Variants in C2CD3 observed in about 807,000 individuals in gnomAD.
C2CD3 encodes the protein C2 domain containing 3 centriole elongation regulator.
C2CD3 carries 148 observed loss-of-function variants against 234.0 expected under a neutral mutation model. That is an observed-to-expected ratio of 0.63 (90% confidence interval 0.55 to 0.72). The LOEUF is 0.72. Ranked by LOEUF, C2CD3 falls within the 30% of genes least tolerant of loss-of-function variation. The probability of loss-of-function intolerance (pLI) is 0.00; values close to 1 mark genes in which losing one functional copy is unlikely to be tolerated. For missense variants in C2CD3, 2,577 were observed against 2,811.5 expected (o/e 0.92, Z 1.89); for synonymous variants, 1,000 against 1,035.4 (o/e 0.97, Z 0.66).
intron 2 of C2CD3, 110 bp downstream of exon 2, chr11:74,168,234 A>G (rs968427722): frequency 1.0e-5 from 9 of 861,202 alleles, no homozygotes; most frequent in Non-Finnish European, 1.7e-5. Context: ...TGACTCTTCA[A>G]TAATTAAGAA....
intron 27 of C2CD3, among the ~76,000 whole-genome samples, 191 bp from the exon 28 acceptor site, chr11:74,048,529 C>T (rs1478424476): frequency 6.6e-6 from 1 of 152,192 alleles, no homozygotes; most frequent in Non-Finnish European, 1.5e-5. Context: ...TATTATTATA[C>T]TCATTTTACA....
chr11:74,076,026 C>T (rs1270767025), intron 23 of C2CD3, among the ~76,000 whole-genome samples: 1 of 152,214 alleles, frequency 6.6e-6, no homozygotes, highest in East Asian at 1.9e-4. Flanking sequence ...GCTTGAGTTC[C>T]TATACTTAGA....
At chr11:74,143,231 A>G (rs1425346707) in intron 3 of C2CD3, among the ~76,000 whole-genome samples, 1 of 152,224 alleles carries the variant, frequency 6.6e-6, no homozygotes, top group Non-Finnish European at 1.5e-5. Context: ...TAAGTTGCCT[A>G]CAATTATCTA....
chr11:74,127,257 T>A (rs994063790), intron 7 of C2CD3, among the ~76,000 whole-genome samples: 1 of 152,172 alleles, frequency 6.6e-6, no homozygotes, highest in Non-Finnish European at 1.5e-5. Flanking sequence ...TTCTCCCAAC[T>A]CGGCCTGCCA....
chr11:74,110,408 CACTGTTGGA>C, intron 11 of C2CD3: 1 of 152,202 alleles, frequency 6.6e-6, no homozygotes, highest in African/African-American at 2.4e-5. Context: ...CTTTTCTTGG[CACTGTTGGA>C]CAGGATCTGG....
At position 74,039,360 on chromosome 11, in the gene C2CD3, G is replaced by C. The variant is rs1459956580; in HGVS notation, c.5661-1662C>G. ...CTGTTTAAGGGCTCTCTGAATCCAA[G>C]GAGGTTATGCAAATTGATCTCACCT... is the stretch of plus-strand genomic sequence containing the variant. On this transcript the variant is annotated intron_variant, in intron 29 of 32. Transcript: ENST00000334126. Among the ~76,000 whole-genome samples, 7 of 152,168 alleles carry C rather than the reference G, an allele frequency of 4.6e-5. No individual in the cohort carries two copies. In the East Asian group the frequency reaches 1.3e-3, roughly 29 times the overall value.
intron 22 of C2CD3, among the ~76,000 whole-genome samples, chr11:74,080,013 A>T (rs543171819): frequency 6.6e-6 from 1 of 152,330 alleles, no homozygotes; most frequent in African/African-American, 2.4e-5. Context: ...TAATGGGCAC[A>T]GTGTGTTTTA....
Position 74,093,847 on chromosome 11 carries a change from C to A in C2CD3, c.3313G>T (p.Gly1105Ter), listed in dbSNP as rs756464820. ...SAFSAQGLVP[G>*]GGVQFEIWCR... ...CAGATTTCAAACTGGACTCCACCTC[C>A]AGGCACGAGGCCCTGTGCAGAGAAA... The change falls in exon 18 of 33, where the codon GGA becomes TGA. Residue 1105 changes from glycine (G) to a stop codon, truncating the protein, a stop_gained. Transcript: ENST00000334126. LOFTEE classifies it high-confidence loss of function. The A allele has an allele frequency of 6.2e-7, 1 of 1,613,888 alleles. No homozygotes were observed. Among genetic ancestry groups the A allele is most frequent in the Non-Finnish European group, 8.5e-7 (1 of 1,179,928 alleles).
At chr11:74,105,112 A>G (rs1447804908) in intron 13 of C2CD3, among the ~76,000 whole-genome samples, 1 of 152,208 alleles carries the variant, frequency 6.6e-6, no homozygotes, top group African/African-American at 2.4e-5. Flanking sequence ...ATGAACCAGC[A>G]TGATACCTTA....
intron 7 of C2CD3, among the ~76,000 whole-genome samples, chr11:74,124,774 C>T (rs777383037): frequency 4.6e-5 from 7 of 152,144 alleles, no homozygotes; most frequent in African/African-American, 7.2e-5. Context: ...GTCACATATA[C>T]ACTCCCCTTT....
At chr11:74,104,037 G>C (rs536053658) in intron 13 of C2CD3, among the ~76,000 whole-genome samples, 1 of 152,214 alleles carries the variant, frequency 6.6e-6, no homozygotes, top group South Asian at 2.1e-4. Flanking sequence ...AAATATGAGA[G>C]AAGAAACAGC....
At chr11:74,155,412 A>T (rs1855944491) in intron 3 of C2CD3, among the ~76,000 whole-genome samples, 1 of 152,248 alleles carries the variant, frequency 6.6e-6, no homozygotes. Flanking sequence ...CATATACCCA[A>T]GAGAACGGAA....
chr11:74,057,666 C>T (rs1954021563), intron 24 of C2CD3, 122 bp from the exon 25 acceptor site: 2 of 1,003,122 alleles, frequency 2.0e-6, no homozygotes, highest in South Asian at 1.6e-5. Context: ...TCAAGCTATC[C>T]CCCTGTGTCT....
intron 32 of C2CD3, among the ~76,000 whole-genome samples, chr11:74,027,205 C>G (rs1166824250): frequency 6.6e-6 from 1 of 152,106 alleles, no homozygotes; most frequent in Non-Finnish European, 1.5e-5. Flanking sequence ...CTCCTGGGCT[C>G]AAGCGATTTT....
Position 74,033,920 on chromosome 11 carries a change from C to T in C2CD3, c.6240G>A (p.Val2080=). The change falls in exon 31 of 33, where the codon GTG becomes GTA. Residue 2080 remains valine (V), a synonymous_variant. Transcript: ENST00000334126. ...TAGACCAAGGGCTAGTTTTGTCTGT[C>T]ACCGTGGTGATCTCATTTAAGGTCC... ...EPRTLNEITT[V]TDKTSPWSSV... The T allele has an allele frequency of 6.5e-7, 1 of 1,536,260 alleles. No homozygotes were observed. The highest frequency in any genetic ancestry group is 1.2e-5 in the South Asian group (1 of 84,050).
intron 2 of C2CD3, 98 bp downstream of exon 2, chr11:74,168,246 G>A: frequency 1.1e-6 from 1 of 914,976 alleles, no homozygotes; most frequent in East Asian, 2.4e-5. Context: ...AATTAAGAAT[G>A]CCCATATATG....
intron 12 of C2CD3, among the ~76,000 whole-genome samples, chr11:74,108,817 C>T (rs952571906): frequency 6.6e-6 from 1 of 151,416 alleles, no homozygotes; most frequent in African/African-American, 2.4e-5. Context: ...ATAGTGTGCT[C>T]GTGTAGAGCC....
chr11:74,126,697 T>C (rs1050605774), intron 7 of C2CD3, among the ~76,000 whole-genome samples: 4 of 152,154 alleles, frequency 2.6e-5, no homozygotes, highest in Admixed American at 2.6e-4. Context: ...TTAGCTGAGG[T>C]TGCGCCACTG....
intron 29 of C2CD3, among the ~76,000 whole-genome samples, chr11:74,041,798 T>A (rs1203456598): frequency 6.6e-6 from 1 of 152,182 alleles, no homozygotes; most frequent in Non-Finnish European, 1.5e-5. Flanking sequence ...GTGAACAATC[T>A]GAAGCTCCTA....
Sources: gnomAD v4.1 joint callset for allele counts (sites outside exome capture counted in the v4.1 genomes callset) on GRCh38, gnomAD v4.1.1 for gene constraint, MANE v1.5 for transcripts, NCBI Gene and HGNC (gene_info 2026-07-23, HGNC 2026-07-21) for gene names.